The following SSBP2 variants were observed in gnomAD, a reference collection of about 807,000 sequenced individuals.
SSBP2 encodes the protein single stranded DNA binding protein 2, also known as single-stranded DNA-binding protein 2.
Under a neutral mutation model 61.8 loss-of-function variants are expected in SSBP2, and 17 were observed. The observed-to-expected ratio is 0.28, with a 90% CI of 0.19 to 0.41. The LOEUF is 0.41. Ranked by LOEUF, SSBP2 falls within the 10% of genes least tolerant of loss-of-function variation. SSBP2 has a pLI of 1.00. For synonymous variants in SSBP2, 139 were observed against 141.3 expected, an observed-to-expected ratio of 0.98 and a Z score of 0.12; for missense variants, 310 against 458.7, an observed-to-expected ratio of 0.68 and a Z score of 2.96.
intron 4 of SSBP2, among the ~76,000 whole-genome samples, chr5:81,593,864 C>T (rs1234039593): frequency 6.6e-6 from 1 of 152,220 alleles, no homozygotes; most frequent in Non-Finnish European, 1.5e-5. Flanking sequence ...AAAGGAACAA[C>T]TGGTACCAGC....
At chr5:81,684,551 T>C (rs890935139) in intron 1 of SSBP2, among the ~76,000 whole-genome samples, 16 of 152,142 alleles carry the variant, frequency 1.1e-4, no homozygotes, top group African/African-American at 3.9e-4. Flanking sequence ...GCCCTGGTTG[T>C]GAGACACGGA....
intron 1 of SSBP2, among the ~76,000 whole-genome samples, chr5:81,701,884 C>A (rs1244676895): frequency 3.3e-5 from 5 of 152,082 alleles, no homozygotes; most frequent in Admixed American, 6.5e-5. Context: ...GACCTCAGAA[C>A]CCTGTTAACC....
chr5:81,555,556 A>G (rs991944859), intron 4 of SSBP2, among the ~76,000 whole-genome samples: 2 of 152,028 alleles, frequency 1.3e-5, no homozygotes, highest in Non-Finnish European at 2.9e-5. Flanking sequence ...ACCCTGCCAC[A>G]TTGTCTTCAC....
At chr5:81,452,090 A>C (rs1580720268) in intron 10 of SSBP2, among the ~76,000 whole-genome samples, 1 of 152,330 alleles carries the variant, frequency 6.6e-6, no homozygotes, top group East Asian at 1.9e-4. Context: ...TATAAAAAAC[A>C]AAGAAAGAAA....
chr5:81,647,384 T>G (rs898231703), intron 2 of SSBP2, among the ~76,000 whole-genome samples: 2 of 152,128 alleles, frequency 1.3e-5, no homozygotes, highest in Non-Finnish European at 2.9e-5. Context: ...CATGGCATAC[T>G]TTGGCTTTCT....
chr5:81,605,580 T>C (rs1167370341), intron 4 of SSBP2, among the ~76,000 whole-genome samples: 1 of 152,170 alleles, frequency 6.6e-6, no homozygotes, highest in African/African-American at 2.4e-5. Context: ...TATACAATTA[T>C]CACTTCATAA....
chr5:81,751,541 C>A (rs2154041193), upstream of SSBP2: 1 of 160,506 alleles, frequency 6.2e-6, no homozygotes, highest in South Asian at 1.5e-4. Flanking sequence ...GGAGCTGGAG[C>A]CGTGGCGGCC....
intron 1 of SSBP2, among the ~76,000 whole-genome samples, chr5:81,707,164 A>T (rs1754453279): frequency 6.6e-6 from 1 of 152,110 alleles, no homozygotes; most frequent in Non-Finnish European, 1.5e-5. Context: ...AGTTTCTATT[A>T]AGTTCTTGGA....
intron 2 of SSBP2, among the ~76,000 whole-genome samples, chr5:81,647,918 C>T (rs1310753615): frequency 6.6e-6 from 1 of 151,994 alleles, no homozygotes; most frequent in East Asian, 1.9e-4. Context: ...AATACTTGAA[C>T]GTCCTTGAAT....
chr5:81,613,161 G>A (rs887467174), intron 4 of SSBP2, among the ~76,000 whole-genome samples: 36 of 152,110 alleles, frequency 2.4e-4, no homozygotes, highest in Admixed American at 4.6e-4. Flanking sequence ...AATAAAAATG[G>A]CATCCAAGAA....
intron 12 of SSBP2, among the ~76,000 whole-genome samples, chr5:81,444,898 G>C (rs1276700715): frequency 6.6e-6 from 1 of 151,512 alleles, no homozygotes; most frequent in African/African-American, 2.4e-5. Context: ...CAAGGCAGGT[G>C]AATCACTTGA....
intron 1 of SSBP2, among the ~76,000 whole-genome samples, chr5:81,710,948 A>G (rs1754735711): frequency 6.6e-6 from 1 of 152,086 alleles, no homozygotes; most frequent in African/African-American, 2.4e-5. Flanking sequence ...CACCTTTAAC[A>G]TATCACCATA....
At chr5:81,719,391 A>G (rs1755393084) in intron 1 of SSBP2, among the ~76,000 whole-genome samples, 1 of 152,172 alleles carries the variant, frequency 6.6e-6, no homozygotes, top group Non-Finnish European at 1.5e-5. Context: ...GTTACTTCTC[A>G]AAAGAGATGT....
chr5:81,474,173 T>A (rs1765437687), intron 7 of SSBP2, among the ~76,000 whole-genome samples: 1 of 152,158 alleles, frequency 6.6e-6, no homozygotes, highest in Admixed American at 6.6e-5. Context: ...AAGGCCTCTA[T>A]CTGAAAAAGG....
chr5:81,598,756 C>T (rs1329646796), intron 4 of SSBP2, among the ~76,000 whole-genome samples: 1 of 152,132 alleles, frequency 6.6e-6, no homozygotes, highest in African/African-American at 2.4e-5. Flanking sequence ...CAGGCTCTGC[C>T]TGTTCATCCA....
chr5:81,597,932 C>T (rs921060909), intron 4 of SSBP2, among the ~76,000 whole-genome samples: 3 of 151,554 alleles, frequency 2.0e-5, no homozygotes, highest in Non-Finnish European at 2.9e-5. Flanking sequence ...GGGTGCAGCA[C>T]ACCAATATGG....
chr5:81,660,295 C>T (rs1458878456), intron 1 of SSBP2, among the ~76,000 whole-genome samples: 1 of 152,040 alleles, frequency 6.6e-6, no homozygotes, highest in Non-Finnish European at 1.5e-5. Flanking sequence ...CCAGAATCTA[C>T]AAGAAACTTA....
intron 1 of SSBP2, among the ~76,000 whole-genome samples, chr5:81,734,274 TG>T (rs1193410931): frequency 1.3e-5 from 2 of 152,332 alleles, no homozygotes; most frequent in East Asian, 3.9e-4. Flanking sequence ...GAAAAAAATG[TG>T]ATAAGTAAAA....
chr5:81,437,352 A>G, intron 15 of SSBP2, 78 bp downstream of exon 15: 16 of 1,403,444 alleles, frequency 1.1e-5, no homozygotes, highest in Non-Finnish European at 1.5e-5. Flanking sequence ...AAATTCGTAA[A>G]TTTACTCTAA....
Sources: gnomAD v4.1 joint callset for allele counts (sites outside exome capture counted in the v4.1 genomes callset) on GRCh38, gnomAD v4.1.1 for gene constraint, MANE v1.5 for transcripts, NCBI Gene and HGNC (gene_info 2026-07-23, HGNC 2026-07-21) for gene names.